BIRC6: variants seen among roughly 807,000 people sequenced by gnomAD.
BIRC6 encodes dual E2 ubiquitin-conjugating enzyme/E3 ubiquitin-protein ligase BIRC6.
In BIRC6, 98 loss-of-function variants were observed where a neutral mutation model predicts 503.3. That is an observed-to-expected ratio of 0.19 (90% confidence interval 0.17 to 0.23). The LOEUF (loss-of-function observed/expected upper bound fraction) is 0.23. BIRC6 is among the 10% of genes least tolerant of loss of function. BIRC6 has a pLI of 1.00. For missense variants in BIRC6, 5,360 were observed against 5,806.0 expected (o/e 0.92, Z 2.50); for synonymous variants, 2,240 against 2,078.7 (o/e 1.08, Z -2.11).
intron 66 of BIRC6, among the ~76,000 whole-genome samples, chr2:32,582,185 G>T (rs189621191): frequency 6.6e-6 from 1 of 152,200 alleles, no homozygotes; most frequent in East Asian, 1.9e-4. Context: ...TGTAAAAACA[G>T]CCAGCTCTTG....
chr2:32,520,895 T>C (rs2055587896), intron 57 of BIRC6, among the ~76,000 whole-genome samples: 1 of 152,198 alleles, frequency 6.6e-6, no homozygotes, highest in Admixed American at 6.5e-5. Flanking sequence ...TGATATTTCA[T>C]ATGTTTAACT....
chr2:32,392,294 C>T, intron 5 of BIRC6, 144 bp downstream of exon 5: 1 of 614,670 alleles, frequency 1.6e-6, no homozygotes, highest in Non-Finnish European at 2.8e-6. Flanking sequence ...GTTTTTTTGG[C>T]CCAGGCTGGA....
chr2:32,468,443 C>T lies in BIRC6; in HGVS notation c.5787C>T (p.Asn1929=). 6.4e-7 allele frequency: 1 copy of T among 1,572,192 alleles called. No individual in the cohort carries two copies. The highest frequency in any genetic ancestry group is 8.6e-7 in the Non-Finnish European group (1 of 1,159,396). Residue 1929 remains asparagine (N), a synonymous_variant, in exon 29 of 74, where the codon AAC becomes AAT. Transcript: ENST00000421745. Reference sequence around the variant, plus strand: ...CAATCTTTTTTTACTTTAGGTATAACTTGGCTTGTCATCGTCTGGAAACCC... The same window carrying T: ...CAATCTTTTTTTACTTTAGGTATAATTTGGCTTGTCATCGTCTGGAAACCC... ...ALQEDIQCRY[N]LACHRLETLL...
chr2:32,532,381 T>C (rs191853221), intron 61 of BIRC6: 89 of 409,528 alleles, frequency 2.2e-4, no homozygotes, highest in African/African-American at 1.8e-3. Flanking sequence ...TGGCTTCTAT[T>C]GGTTGCCAGT....
At chr2:32,564,443 T>C (rs948585862) in intron 65 of BIRC6, 1 of 152,216 alleles carries the variant, frequency 6.6e-6, no homozygotes, top group Non-Finnish European at 1.5e-5. Flanking sequence ...TACAAATATC[T>C]ATTGGTGTTT....
At chr2:32,534,161 G>A (rs1389442364) in intron 61 of BIRC6, among the ~76,000 whole-genome samples, 1 of 151,932 alleles carries the variant, frequency 6.6e-6, no homozygotes, top group Non-Finnish European at 1.5e-5. Flanking sequence ...GTCACCTGAG[G>A]TCAGCAGTTC....
chr2:32,493,978 C>T (rs1333785250), intron 45 of BIRC6, among the ~76,000 whole-genome samples: 2 of 152,018 alleles, frequency 1.3e-5, no homozygotes, highest in African/African-American at 2.4e-5. Context: ...GCTGTTTAAA[C>T]TCTAAAGCTA....
intron 72 of BIRC6, among the ~76,000 whole-genome samples, chr2:32,609,285 CTGTGTGTG>C (rs58379253): frequency 2.7e-5 from 4 of 147,552 alleles, no homozygotes; most frequent in African/African-American, 5.0e-5. Context: ...AAGTGTGGCT[CTGTGTGTG>C]TGTGTGTGTG....
rs1451679814 is a variant in BIRC6, at chr2:32,545,682, C to T, written c.12632C>T (p.Thr4211Ile). 1 of 1,613,746 alleles carries T rather than the reference C, an allele frequency of 6.2e-7. No individual in the cohort carries two copies. The highest frequency in any genetic ancestry group is 8.5e-7 in the Non-Finnish European group (1 of 1,179,826). ...LQSPSANVLP[T>I]LPFHVLRSLF... ...TCTCCATCAGCCAATGTGCTTCCAA[C>T]CCTTCCTTTCCACGTCCTTCGTAGC... The change falls in exon 63 of 74, where the codon ACC becomes ATC. Residue 4211 changes from threonine to isoleucine, a missense_variant. Physicochemically the swap from Thr to Ile is moderately conservative, Grantham distance 89. Around this residue, in one of 16 missense-constraint regions of BIRC6, gnomAD observed 477 missense variants for 574.4 expected, o/e 0.83. Coordinates refer to ENST00000421745, the MANE Select transcript of BIRC6 (RefSeq NM_016252.4).
At chr2:32,463,465 A>T (rs1346492052) in intron 24 of BIRC6, 84 bp downstream of exon 24, 6 of 1,343,592 alleles carry the variant, frequency 4.5e-6, no homozygotes, top group Non-Finnish European at 5.9e-6. Context: ...CATTATTTTC[A>T]TAAAGAAACG....
rs1311400989 is a variant in BIRC6 at position 32,529,809 on chromosome 2, C to T, written c.12079C>T (p.Leu4027=). ...SLSKTDSYKR[L]HPEKDHGDLL... ...ATCAAAAACAGATTCTTATAAAAGACTACACCCTGAAAAAGGTATGTGCAT... is the reference window on the plus strand; with the variant it reads ...ATCAAAAACAGATTCTTATAAAAGATTACACCCTGAAAAAGGTATGTGCAT... The change falls in exon 60 of 74, where the codon CTA becomes TTA. Residue 4027 remains leucine (L), a synonymous_variant. Coordinates refer to ENST00000421745, the MANE Select transcript of BIRC6 (RefSeq NM_016252.4). The T allele has an allele frequency of 3.7e-6, 6 of 1,606,698 alleles. No homozygotes were observed. Among genetic ancestry groups the T allele is most frequent in the African/African-American group, 1.3e-5 (1 of 74,576 alleles).
At chr2:32,555,688 A>T (rs2058723096) in intron 65 of BIRC6, among the ~76,000 whole-genome samples, 1 of 151,788 alleles carries the variant, frequency 6.6e-6, no homozygotes. Context: ...TTAGAGTAGC[A>T]GGCCAGGTGT....
At chr2:32,375,660 G>A (rs1456135169) in intron 1 of BIRC6, among the ~76,000 whole-genome samples, 1 of 152,056 alleles carries the variant, frequency 6.6e-6, no homozygotes, top group Non-Finnish European at 1.5e-5. Context: ...TTCAGGCACA[G>A]GATTCATTTT....
chr2:32,503,201 A>C lies in BIRC6; in HGVS notation c.9464A>C (p.Asp3155Ala). Residue 3155 changes from aspartate to alanine, a missense_variant, in exon 49 of 74, where the codon GAC becomes GCC. Asp to Ala is a moderately radical substitution (Grantham distance 126). Transcript: ENST00000421745. ...LKTRILASEP[D>A]NAEGIHNFAP... ...ACAAGAATACTAGCTTCTGAGCCTG[A>C]CAATGCTGAAGGGATTCATAACTTT... 6.2e-7 allele frequency: 1 copy of C among 1,612,416 alleles called. No homozygotes were observed. The highest frequency in any genetic ancestry group is 8.5e-7 in the Non-Finnish European group (1 of 1,179,408).
At chr2:32,426,523 G>C (rs2043511453) in intron 10 of BIRC6, among the ~76,000 whole-genome samples, 2 of 152,226 alleles carry the variant, frequency 1.3e-5, no homozygotes, top group African/African-American at 4.8e-5. Context: ...AGAATCACTT[G>C]AACCCAGGAG....
intron 71 of BIRC6, among the ~76,000 whole-genome samples, chr2:32,604,799 AG>A (rs1400763629): frequency 1.3e-5 from 2 of 152,002 alleles, no homozygotes; most frequent in African/African-American, 4.8e-5. Context: ...TCACGTCACA[AG>A]GGTTTGCTAT....
At chr2:32,411,430 A>AT (rs71407450) in intron 9 of BIRC6, among the ~76,000 whole-genome samples, 3,822 of 138,964 alleles carry the variant, frequency 0.028, 87 homozygotes, top group African/African-American at 0.056. Context: ...TTATTTTTTT[A>AT]TTTTTTTTTT....
chr2:32,529,392 T>G, intron 59 of BIRC6: 2 of 329,644 alleles, frequency 6.1e-6, no homozygotes, highest in East Asian at 5.9e-5. Flanking sequence ...CCACATCAGA[T>G]TTATGGAAAT....
At chr2:32,422,430 A>G (rs540355249) in intron 10 of BIRC6, among the ~76,000 whole-genome samples, 3 of 152,190 alleles carry the variant, frequency 2.0e-5, no homozygotes, top group South Asian at 4.1e-4. Context: ...TTTTTAGAAG[A>G]AAATTTACAT....
Sources: gnomAD v4.1 joint callset for allele counts (sites outside exome capture counted in the v4.1 genomes callset) on GRCh38, gnomAD v4.1.1 for gene constraint, gnomAD v4.1.1 regional missense constraint, MANE v1.5 for transcripts, NCBI Gene and HGNC (gene_info 2026-07-23, HGNC 2026-07-21) for gene names.